The following LRRFIP1 variants were observed in gnomAD, a reference collection of about 807,000 sequenced individuals.
LRRFIP1 encodes LRR binding FLII interacting protein 1.
In LRRFIP1, 62 loss-of-function variants were observed where a neutral mutation model predicts 104.4. The observed-to-expected ratio is 0.59, with a 90% CI of 0.48 to 0.73. The LOEUF (loss-of-function observed/expected upper bound fraction) is 0.73, where lower values mean the gene tolerates loss of function less well. Ranked by LOEUF, LRRFIP1 falls within the 30% of genes least tolerant of loss-of-function variation. LRRFIP1 has a pLI of 0.00. For synonymous variants in LRRFIP1, 300 were observed against 299.0 expected, an observed-to-expected ratio of 1.00 and a Z score of -0.03; for missense variants, 796 against 824.5, an observed-to-expected ratio of 0.97 and a Z score of 0.42.
chr2:237,776,592 A>G (rs1015260313), intron 23 of LRRFIP1, among the ~76,000 whole-genome samples: 3 of 152,098 alleles, frequency 2.0e-5, no homozygotes, highest in Admixed American at 6.6e-5. Flanking sequence ...TGTTGAGGCT[A>G]TTGATACTAG....
At chr2:237,657,917 A>G (rs1407109015) in intron 1 of LRRFIP1, among the ~76,000 whole-genome samples, 1 of 152,210 alleles carries the variant, frequency 6.6e-6, no homozygotes, top group Non-Finnish European at 1.5e-5. Flanking sequence ...GCACTGAATT[A>G]TCAATACTTT....
At chr2:237,700,803 C>CG (rs1473200702) in intron 1 of LRRFIP1, among the ~76,000 whole-genome samples, 4 of 152,066 alleles carry the variant, frequency 2.6e-5, no homozygotes, top group South Asian at 2.1e-4. Flanking sequence ...CTGGGCTCTG[C>CG]GGGGGGAGGT....
chr2:237,656,803 T>C (rs1341072307), intron 1 of LRRFIP1, among the ~76,000 whole-genome samples: 2 of 152,266 alleles, frequency 1.3e-5, no homozygotes, highest in Non-Finnish European at 2.9e-5. Flanking sequence ...TGTGTCAGTA[T>C]GTATTTTTAC....
intron 21 of LRRFIP1, chr2:237,772,645 G>T: frequency 1.7e-6 from 1 of 583,390 alleles, no homozygotes; most frequent in South Asian, 2.1e-5. Flanking sequence ...TCTTGCCTGA[G>T]GTTTCCTGCC....
At chr2:237,765,634 A>G (rs2060210019) in intron 19 of LRRFIP1, 2 of 974,350 alleles carry the variant, frequency 2.1e-6, no homozygotes, top group Non-Finnish European at 2.4e-6. Context: ...ATGTCCCAGT[A>G]TATTCTTACT....
chr2:237,639,843 A>G (rs1364392752), intron 1 of LRRFIP1, among the ~76,000 whole-genome samples: 1 of 152,102 alleles, frequency 6.6e-6, no homozygotes, highest in East Asian at 1.9e-4. Context: ...GCATTATAGG[A>G]TTTTGAACGG....
Position 237,703,877 on chromosome 2 carries a change from A to G in LRRFIP1, c.97-4667A>G, listed in dbSNP as rs928091764. On this transcript the variant is annotated intron_variant, in intron 1 of 23. Transcript: ENST00000308482. The surrounding 1 kb of genome is among the most constrained non-coding windows in gnomAD (Gnocchi z 4.3). ...GCCACGGTCAGCCCACAGGCTACTC[A>G]CAGAAAGTGACAGGCCGTGTTCAGA... Among the ~76,000 whole-genome samples the G allele has an allele frequency of 8.6e-5, 13 of 152,028 alleles. No individual in the cohort carries two copies. The highest frequency in any genetic ancestry group is 8.3e-4 in the South Asian group (4 of 4,824).
chr2:237,655,619 T>C (rs1301807330), intron 1 of LRRFIP1, among the ~76,000 whole-genome samples: 1 of 152,234 alleles, frequency 6.6e-6, no homozygotes, highest in Non-Finnish European at 1.5e-5. Context: ...GAAGATTGAC[T>C]ACATCTCCTG....
intron 10 of LRRFIP1, among the ~76,000 whole-genome samples, chr2:237,738,220 T>G (rs1410801983): frequency 2.6e-5 from 4 of 151,812 alleles, no homozygotes; most frequent in Non-Finnish European, 5.9e-5. Flanking sequence ...GATGAGATCT[T>G]GAGCACCCCT....
At chr2:237,774,195 C>T (rs1026277582) in intron 22 of LRRFIP1, 163 bp from the exon 23 acceptor site, 2 of 596,920 alleles carry the variant, frequency 3.4e-6, no homozygotes, top group African/African-American at 3.7e-5. Flanking sequence ...CCAAGAATAG[C>T]TTGCTTGGCT....
chr2:237,676,832 C>G (rs1038634451), intron 1 of LRRFIP1, among the ~76,000 whole-genome samples: 1 of 152,152 alleles, frequency 6.6e-6, no homozygotes, highest in Non-Finnish European at 1.5e-5. Flanking sequence ...AGAGATGTGC[C>G]CTGGTTGCCT....
chr2:237,763,414 G>C, intron 19 of LRRFIP1: 1 of 1,613,852 alleles, frequency 6.2e-7, no homozygotes, highest in Non-Finnish European at 8.5e-7. Context: ...CATCGCAGAA[G>C]AAGACAAAGA....
rs2094611204 is a variant in LRRFIP1 at position 237,723,557 on chromosome 2, G to T, written c.355G>T (p.Asp119Tyr). 1 of 1,613,534 alleles carries T rather than the reference G, an allele frequency of 6.2e-7. No homozygotes were observed. Among genetic ancestry groups the T allele is most frequent in the Non-Finnish European group, 8.5e-7 (1 of 1,179,786 alleles). The change falls in exon 7 of 24, where the codon GAC becomes TAC. Residue 119 changes from aspartate (D) to tyrosine (Y), a missense_variant. By Grantham distance (160) the Asp-to-Tyr change is radical (BLOSUM62 -3). Coordinates refer to ENST00000308482, the MANE Select transcript of LRRFIP1 (RefSeq NM_001137550.2). ...GSRGSLRSQP[D>Y]LEYGGPYAWT... ...ATCTTTCTTCTGACAGTCGCAGCCT[G>T]ACTTGGAGTATGGGGGTCCTTACGC...
chr2:237,779,587 C>CT lies in LRRFIP1; in HGVS notation c.*59dup, dbSNP rs1162548161. ...TGACTGGAGAGCATTGTTTCATAGG[C>CT]TTTTCTCTGTCCTATCTGGGAGCGC... On this transcript the variant is annotated 3_prime_UTR_variant, in exon 24 of 24. Coordinates refer to ENST00000308482, the MANE Select transcript of LRRFIP1 (RefSeq NM_001137550.2). 3.4e-6 allele frequency: 5 copies of CT among 1,464,714 alleles called. No homozygotes were observed. Among genetic ancestry groups the CT allele is most frequent in the Non-Finnish European group, 3.8e-6 (4 of 1,048,860 alleles). 90.7% of individuals were successfully genotyped at this position (1,464,714 alleles called of 1,614,324 possible).
intron 1 of LRRFIP1, among the ~76,000 whole-genome samples, chr2:237,687,603 CAAAAAA>C (rs58549867): frequency 3.7e-5 from 3 of 81,114 alleles, no homozygotes; most frequent in Non-Finnish European, 4.9e-5. Context: ...GACTCCATCT[CAAAAAA>C]AAAAAAAAAA....
intron 11 of LRRFIP1, among the ~76,000 whole-genome samples, chr2:237,742,702 G>C (rs761680654): frequency 8.5e-5 from 13 of 152,244 alleles, no homozygotes; most frequent in Non-Finnish European, 1.5e-4. Flanking sequence ...AGTGCTAGTG[G>C]TTGTGTTTGG....
At chr2:237,729,360 C>A (rs1224592399) in intron 8 of LRRFIP1, among the ~76,000 whole-genome samples, 1 of 152,350 alleles carries the variant, frequency 6.6e-6, no homozygotes, top group Admixed American at 6.5e-5. Flanking sequence ...TTCTGGCACC[C>A]CAGGGCTGAG....
rs1176054918 is a variant in LRRFIP1 at position 237,711,422 on chromosome 2, C to T, written c.183+2792C>T. On this transcript the variant is annotated intron_variant, in intron 2 of 23. Transcript: ENST00000308482. The surrounding 1 kb of genome is among the most constrained non-coding windows in gnomAD (Gnocchi z 4.4). ...TCGGCGGAACATCCGCCACTGAGAG[C>T]GGTGGTTTTGGTCTGTGCTCTCACC... is the stretch of plus-strand genomic sequence containing the variant. 6.6e-6 allele frequency among the ~76,000 whole-genome samples: 1 copy of T among 152,218 alleles called. No individual in the cohort carries two copies. Among genetic ancestry groups the T allele is most frequent in the Non-Finnish European group, 1.5e-5 (1 of 68,044 alleles).
At chr2:237,647,620 A>G (rs59917455) in intron 1 of LRRFIP1, among the ~76,000 whole-genome samples, 3 of 150,884 alleles carry the variant, frequency 2.0e-5, no homozygotes, top group Non-Finnish European at 4.4e-5. Flanking sequence ...TAAGGAGCAG[A>G]GTCCTGCCCT....
Sources: gnomAD v4.1 joint callset for allele counts (sites outside exome capture counted in the v4.1 genomes callset) on GRCh38, gnomAD v4.1.1 for gene constraint, Gnocchi (gnomAD v3.1) non-coding constraint, MANE v1.5 for transcripts, NCBI Gene and HGNC (gene_info 2026-07-23, HGNC 2026-07-21) for gene names.